The following LAMA3 variants were observed in gnomAD, a reference collection of about 807,000 sequenced individuals.
LAMA3 encodes laminin subunit alpha-3.
A neutral mutation model predicts 402.0 loss-of-function variants in LAMA3; 281 were observed. The observed-to-expected ratio is 0.70, with a 90% CI of 0.63 to 0.77. The LOEUF is 0.77. Ranked by LOEUF, LAMA3 falls within the 30% of genes least tolerant of loss-of-function variation. The pLI is 0.00. For missense variants in LAMA3, 3,840 were observed against 4,215.5 expected, an observed-to-expected ratio of 0.91 and a Z score of 2.47; for synonymous variants, 1,431 against 1,558.4, an observed-to-expected ratio of 0.92 and a Z score of 1.93.
chr18:23,917,503 T>C (rs943081377), intron 60 of LAMA3, among the ~76,000 whole-genome samples: 3 of 152,214 alleles, frequency 2.0e-5, no homozygotes, highest in Non-Finnish European at 4.4e-5. Context: ...TCATTCCCTT[T>C]TTTCCACTTT....
intron 36 of LAMA3, 116 bp downstream of exon 36, chr18:23,864,999 A>G: frequency 5.4e-6 from 4 of 741,070 alleles, no homozygotes; most frequent in Non-Finnish European, 9.7e-6. Context: ...ATCATTTCCA[A>G]TATTTTGCAG....
chr18:23,947,532 G>A (rs906334902), intron 70 of LAMA3, among the ~76,000 whole-genome samples: 1 of 152,132 alleles, frequency 6.6e-6, no homozygotes, highest in African/African-American at 2.4e-5. Flanking sequence ...GGCTGCCCTA[G>A]CCTTGACCAG....
In LAMA3 at chr18:23,871,498, G is replaced by A. The variant is rs2144815229; in HGVS notation, c.4835G>A (p.Arg1612Lys). The A allele has an allele frequency of 6.2e-7, 1 of 1,614,212 alleles. No individual in the cohort carries two copies. The highest frequency in any genetic ancestry group is 1.1e-5 in the South Asian group (1 of 91,082). ...GAGGAGCTGATGACAGTGCTGTCTA[G>A]ACTGGCAGATGTGCGCATCCAAGGC... ...SREELMTVLSRLADVRIQGLY... is the reference protein window; with the variant it reads ...SREELMTVLSKLADVRIQGLY... The change falls in exon 38 of 75, where the codon AGA (arginine) becomes AAA (lysine). Residue 1612 changes from arginine to lysine, a missense_variant. Physicochemically the swap from Arg to Lys is conservative, Grantham distance 26. Transcript: ENST00000313654.
At chr18:23,895,090 G>T (rs376913562) in intron 44 of LAMA3, 32 bp downstream of exon 44, 4 of 1,562,934 alleles carry the variant, frequency 2.6e-6, no homozygotes, top group Admixed American at 3.8e-5. Context: ...GTAGACACGT[G>T]GGGAGGAGAT....
intron 21 of LAMA3, among the ~76,000 whole-genome samples, chr18:23,825,592 A>C (rs2063366510): frequency 6.6e-6 from 1 of 152,168 alleles, no homozygotes; most frequent in Non-Finnish European, 1.5e-5. Flanking sequence ...CAAGACAACA[A>C]AGGAACATCA....
At chr18:23,890,765 C>A (rs1011828165) in intron 42 of LAMA3, among the ~76,000 whole-genome samples, 1 of 152,144 alleles carries the variant, frequency 6.6e-6, no homozygotes, top group Non-Finnish European at 1.5e-5. Context: ...AAGAACTAAA[C>A]CCTGGATATG....
intron 44 of LAMA3, among the ~76,000 whole-genome samples, chr18:23,897,891 G>A (rs1022334094): frequency 3.9e-5 from 6 of 152,074 alleles, no homozygotes; most frequent in African/African-American, 1.4e-4. Flanking sequence ...AGCTAAATAC[G>A]ATAATCCCCA....
chr18:23,916,683 T>C lies in LAMA3; in HGVS notation c.7911T>C (p.Phe2637=). Reference sequence around the variant, plus strand: ...CCGTGGATAGAGGCTTGCTGTTCTTTGCAGAAAACGGGGTAATCTATAACA... The same window carrying C: ...CCGTGGATAGAGGCTTGCTGTTCTTCGCAGAAAACGGGGTAATCTATAACA... ...QTTVDRGLLF[F]AENGDRFISL... is the part of the protein sequence containing the mutation. Residue 2637 remains phenylalanine (F), a synonymous_variant, in exon 60 of 75, where the codon TTT becomes TTC. Coordinates refer to ENST00000313654, the MANE Select transcript of LAMA3 (RefSeq NM_198129.4). 2 of 1,614,162 alleles carry C rather than the reference T, an allele frequency of 1.2e-6. No individual in the cohort carries two copies. Among genetic ancestry groups the C allele is most frequent in the Non-Finnish European group, 1.7e-6 (2 of 1,180,012 alleles).
intron 32 of LAMA3, among the ~76,000 whole-genome samples, chr18:23,853,380 TC>T (rs973475661): frequency 3.9e-5 from 6 of 152,086 alleles, no homozygotes; most frequent in Non-Finnish European, 7.4e-5. Context: ...TTCAAGCGAC[TC>T]TCCTGCCTCA....
chr18:23,923,124 G>A (rs1255042859), intron 62 of LAMA3, among the ~76,000 whole-genome samples: 1 of 152,242 alleles, frequency 6.6e-6, no homozygotes, highest in Non-Finnish European at 1.5e-5. Flanking sequence ...AAGAGCTAGA[G>A]TACAGCAGGA....
intron 7 of LAMA3, 71 bp downstream of exon 7, chr18:23,758,582 TC>T: frequency 1.7e-6 from 2 of 1,153,820 alleles, no homozygotes; most frequent in Non-Finnish European, 1.3e-6. Flanking sequence ...GAGGCTATTT[TC>T]CCCATGCTAG....
At chr18:23,849,483 T>G (rs1226465151) in intron 32 of LAMA3, among the ~76,000 whole-genome samples, 1 of 151,900 alleles carries the variant, frequency 6.6e-6, no homozygotes, top group African/African-American at 2.4e-5. Context: ...TCAAAGGGAG[T>G]GGTTTGTCAA....
At chr18:23,741,431 A>C (rs1330891772) in intron 2 of LAMA3, among the ~76,000 whole-genome samples, 1 of 152,158 alleles carries the variant, frequency 6.6e-6, no homozygotes, top group Non-Finnish European at 1.5e-5. Context: ...TTTGTAAAAA[A>C]ATGTCAAACC....
chr18:23,949,831 AC>A lies in LAMA3; in HGVS notation c.9422del (p.Pro3141LeufsTer55). On this transcript the variant is annotated frameshift_variant, in exon 71 of 75. Coordinates refer to ENST00000313654, the MANE Select transcript of LAMA3 (RefSeq NM_198129.4). LOFTEE classifies it high-confidence loss of function. The stretch of plus-strand genomic sequence containing the variant: ...TCAGCTGGATTCAAAACCCTTGTAT[AC>A]CCCTTCTTCAAGCTTCGGGGTGTCT... ...NFQLDSKPLY[T>X]PSSSFGVSSC... 2 of 1,613,434 alleles carry A rather than the reference AC, an allele frequency of 1.2e-6. No individual in the cohort carries two copies. The highest frequency in any genetic ancestry group is 1.7e-6 in the Non-Finnish European group (2 of 1,179,886).
intron 23 of LAMA3, among the ~76,000 whole-genome samples, chr18:23,832,817 T>C (rs2063512602): frequency 6.6e-6 from 1 of 152,206 alleles, no homozygotes. Flanking sequence ...TTTGCATGTA[T>C]ATATTTTTGC....
At chr18:23,822,157 C>T in intron 19 of LAMA3, 95 bp from the exon 20 acceptor site, 1 of 1,348,864 alleles carries the variant, frequency 7.4e-7, no homozygotes, top group Non-Finnish European at 1.1e-6. Flanking sequence ...ATTACAAGTC[C>T]AGTAGTGACA....
In LAMA3 at chr18:23,907,761, A is replaced by C; in HGVS notation, c.6841A>C (p.Ile2281Leu). The C allele has an allele frequency of 3.1e-6, 5 of 1,614,162 alleles. 1 individual carries two copies. The South Asian group carries it at 5.5e-5, about 18-fold the overall frequency. Residue 2281 changes from isoleucine (I) to leucine (L), a missense_variant, in exon 54 of 75, where the codon ATT becomes CTT. By Grantham distance (5) the Ile-to-Leu change is conservative. Transcript: ENST00000313654. The part of the protein sequence containing the change: ...DGLHGIQRGD[I>L]DAMISSAKSM... ...CCTATCTGTGTGTGCATTAGGTGAT[A>C]TTGATGCTATGATCAGTAGTGCAAA...
In LAMA3 at chr18:23,749,473, T is replaced by C. The variant is rs1269530911; in HGVS notation, c.611T>C (p.Met204Thr). The change falls in exon 4 of 75, where the codon ATG becomes ACG. Residue 204 changes from methionine (M) to threonine (T), a missense_variant. Physicochemically the swap from Met to Thr is moderately conservative, Grantham distance 81. Coordinates refer to ENST00000313654, the MANE Select transcript of LAMA3 (RefSeq NM_198129.4). ...CLKEFGREANMAVTRDDDVLC... is the reference protein window; with the variant it reads ...CLKEFGREANTAVTRDDDVLC... ...AAAGAATTTGGGCGGGAGGCAAATA[T>C]GGCTGTCACCCGGGATGATGATGTA... 6.2e-7 allele frequency: 1 copy of C among 1,613,166 alleles called. No individual in the cohort carries two copies. The highest frequency in any genetic ancestry group is 1.1e-5 in the South Asian group (1 of 91,048).
In LAMA3 at chr18:23,914,402, G is replaced by T; in HGVS notation, c.7330-8G>T. 6.2e-7 allele frequency: 1 copy of T among 1,614,158 alleles called. No homozygotes were observed. The highest frequency in any genetic ancestry group is 8.5e-7 in the Non-Finnish European group (1 of 1,179,994). On this transcript the variant is annotated splice_region_variant and splice_polypyrimidine_tract_variant and intron_variant, in intron 56 of 74. Transcript: ENST00000313654. ...GTGAAGTGTTCTGAGGTGGCCCTTT[G>T]TCTCCAGGCCTCCCGGGACTACATC...
Sources: gnomAD v4.1 joint callset for allele counts (sites outside exome capture counted in the v4.1 genomes callset) on GRCh38, gnomAD v4.1.1 for gene constraint, MANE v1.5 for transcripts, NCBI Gene and HGNC (gene_info 2026-07-23, HGNC 2026-07-21) for gene names.